The following ABCA6 variants were observed in gnomAD, a reference collection of about 807,000 sequenced individuals.
The protein encoded by ABCA6 is ATP-binding cassette sub-family A member 6.
A neutral mutation model predicts 191.2 loss-of-function variants in ABCA6; 164 were observed. The observed-to-expected ratio is 0.86, with a 90% CI of 0.76 to 0.98. The LOEUF (loss-of-function observed/expected upper bound fraction) is 0.98. Ranked by LOEUF, ABCA6 falls within the 50% of genes least tolerant of loss-of-function variation. ABCA6 has a pLI of 0.00. For synonymous variants in ABCA6, 636 were observed against 647.7 expected (o/e 0.98, Z 0.27); for missense variants, 1,958 against 1,894.1 (o/e 1.03, Z -0.63).
intron 17 of ABCA6, chr17:69,108,216 T>A (rs1183124899): frequency 6.0e-6 from 1 of 166,456 alleles, no homozygotes; most frequent in African/African-American, 2.4e-5. Flanking sequence ...TTAAAGTCAA[T>A]AACACAACCT....
chr17:69,136,287 G>T, intron 3 of ABCA6, 37 bp from the exon 4 acceptor site: 9 of 1,426,612 alleles, frequency 6.3e-6, no homozygotes, highest in Non-Finnish European at 8.3e-6. Flanking sequence ...ATAGAAAATT[G>T]TAAGAGTTTT....
intron 8 of ABCA6, 88 bp from the exon 9 acceptor site, chr17:69,125,123 C>T: frequency 1.5e-6 from 1 of 686,680 alleles, no homozygotes. Context: ...TATTAACTAG[C>T]TTTTTCAAGA....
rs545316771 is a variant in ABCA6 at position 69,134,015 on chromosome 17, T to C, written c.565-148A>G. 1.4e-5 allele frequency: 8 copies of C among 552,712 alleles called. No individual in the cohort carries two copies. In the South Asian group the frequency reaches 2.1e-4, roughly 15 times the overall value. The allele number at this position is 552,712 out of a possible 1,614,324, so 34.2% of individuals were successfully genotyped here. A position where few individuals can be genotyped will look rare whatever the true frequency, so the allele number is the denominator to read the frequency against. On this transcript the variant is annotated intron_variant, in intron 5 of 38. Coordinates refer to ENST00000284425, the MANE Select transcript of ABCA6 (RefSeq NM_080284.3). Reference sequence around the variant, plus strand: ...GCAAGATGTTCCCAGTAAAGGCAACTGGATGAAGGGTACATGGACTTCTCT... The same window carrying C: ...GCAAGATGTTCCCAGTAAAGGCAACCGGATGAAGGGTACATGGACTTCTCT...
At chr17:69,108,281 A>G (rs1166398628) in intron 17 of ABCA6, 1 of 154,552 alleles carries the variant, frequency 6.5e-6, no homozygotes, top group Non-Finnish European at 1.4e-5. Flanking sequence ...ACCCACCTCC[A>G]TTTGCCATTC....
intron 20 of ABCA6, among the ~76,000 whole-genome samples, chr17:69,103,498 G>T (rs2073225552): frequency 6.6e-6 from 1 of 152,086 alleles, no homozygotes; most frequent in Non-Finnish European, 1.5e-5. Context: ...AAATGAAAAA[G>T]GATGCCATCA....
At chr17:69,097,876 T>C (rs1427519846) in intron 23 of ABCA6, 44 bp downstream of exon 23, 1 of 1,386,416 alleles carries the variant, frequency 7.2e-7, no homozygotes, top group African/African-American at 1.5e-5. Flanking sequence ...AAAATACAGA[T>C]ATTGAAATTC....
rs372865781 is a variant in ABCA6 at position 69,086,235 on chromosome 17, T to C, written c.3937+383A>G. Among the ~76,000 whole-genome samples, 176 of 152,284 alleles carry C rather than the reference T, an allele frequency of 1.2e-3. 1 individual carries two copies. Among genetic ancestry groups the C allele is most frequent in the African/African-American group, 4.1e-3 (172 of 41,562 alleles). ...CACAAGTCCGCTAAAAACTCTCCAA[T>C]GGTATTATGCTAACTTGTATAAAAC... On this transcript the variant is annotated intron_variant, in intron 30 of 38. Transcript: ENST00000284425.
intron 6 of ABCA6, among the ~76,000 whole-genome samples, chr17:69,131,196 T>C (rs1184741497): frequency 1.3e-5 from 2 of 152,156 alleles, no homozygotes; most frequent in Admixed American, 1.3e-4. Flanking sequence ...TACTTAACAC[T>C]GACTAATTAA....
Position 69,102,820 on chromosome 17 carries a change from A to G in ABCA6, c.2874+15T>C. 6.4e-7 allele frequency: 1 copy of G among 1,563,748 alleles called. No individual in the cohort carries two copies. Among genetic ancestry groups the G allele is most frequent in the Non-Finnish European group, 8.6e-7 (1 of 1,164,494 alleles). On this transcript the variant is annotated intron_variant, in intron 21 of 38. Coordinates refer to ENST00000284425, the MANE Select transcript of ABCA6 (RefSeq NM_080284.3). ...ACTTTTTGTTTTTTTCATAAAAGCAAAAAGGCAAACATACCTTTTGTTTAC... is the reference window on the plus strand; with the variant it reads ...ACTTTTTGTTTTTTTCATAAAAGCAGAAAGGCAAACATACCTTTTGTTTAC...
chr17:69,107,830 G>C lies in ABCA6; in HGVS notation c.2273-18C>G. The C allele has an allele frequency of 6.9e-7, 1 of 1,450,200 alleles. No homozygotes were observed. Among genetic ancestry groups the C allele is most frequent in the Non-Finnish European group, 9.6e-7 (1 of 1,039,142 alleles). The allele number at this position is 1,450,200 out of a possible 1,614,324, so 89.8% of individuals were successfully genotyped here. On this transcript the variant is annotated intron_variant, in intron 17 of 38. Transcript: ENST00000284425. ...GAAAAGATCTAAGGCAAAAAAATAT[G>C]AATAGATACTTTGGAAAACCACATT...
At chr17:69,133,129 AT>A (rs1223313217) in intron 6 of ABCA6, among the ~76,000 whole-genome samples, 5 of 152,182 alleles carry the variant, frequency 3.3e-5, no homozygotes, top group South Asian at 2.1e-4. Context: ...GGGCTCTCTC[AT>A]TTTATTCCAA....
chr17:69,106,899 G>A (rs1301249426), intron 18 of ABCA6, among the ~76,000 whole-genome samples: 1 of 152,068 alleles, frequency 6.6e-6, no homozygotes, highest in Admixed American at 6.6e-5. Context: ...CACAAAAATG[G>A]TGATCTCATT....
In ABCA6 at chr17:69,105,552, C is replaced by A. The variant is rs745713208; in HGVS notation, c.2650G>T (p.Asp884Tyr). ...TACAATTCGTTTTTAAATTCCCAAT[C>A]GATCTTTTCATTTAACATAGCATAC... ...IMYAMLNEKI[D>Y]WEFKNELYFL... Residue 884 changes from aspartate (D) to tyrosine (Y), a missense_variant, in exon 20 of 39, where the codon GAT becomes TAT. Transcript: ENST00000284425. The A allele has an allele frequency of 6.9e-6, 11 of 1,595,402 alleles. No homozygotes were observed. In the East Asian group the frequency reaches 1.8e-4, roughly 26 times the overall value.
At chr17:69,106,250 A>T (rs968316415) in intron 18 of ABCA6, 39 bp from the exon 19 acceptor site, 4 of 1,551,354 alleles carry the variant, frequency 2.6e-6, no homozygotes, top group Admixed American at 1.9e-5. Context: ...ATATTATAAT[A>T]TTAATGCCAT....
chr17:69,136,209 C>T lies in ABCA6; in HGVS notation c.343G>A (p.Glu115Lys), dbSNP rs748120631. 35 of 1,592,316 alleles carry T rather than the reference C, an allele frequency of 2.2e-5. No homozygotes were observed. The East Asian group carries it at 5.0e-4, about 23-fold the overall frequency. ...IGAPNKTHMD[E>K]ILLENLPYAM... ...TATGGTAAATTTTCCAGAAGTATTT[C>T]GTCCATGTGTGTTTTATTTGGTGCC... The change falls in exon 4 of 39, where the codon GAA (glutamate) becomes AAA (lysine). Residue 115 changes from glutamate to lysine, a missense_variant. Transcript: ENST00000284425.
intron 10 of ABCA6, among the ~76,000 whole-genome samples, chr17:69,122,400 C>T (rs2073665424): frequency 6.6e-6 from 1 of 151,940 alleles, no homozygotes; most frequent in Non-Finnish European, 1.5e-5. Flanking sequence ...GGTTCAATCC[C>T]AAAACTGCTG....
At chr17:69,089,212 C>T (rs1489540553) in intron 27 of ABCA6, among the ~76,000 whole-genome samples, 1 of 152,060 alleles carries the variant, frequency 6.6e-6, no homozygotes, top group Non-Finnish European at 1.5e-5. Context: ...CAAGCTCTCT[C>T]AAATTTAGAG....
chr17:69,084,719 T>C (rs1450123499), intron 32 of ABCA6, among the ~76,000 whole-genome samples: 1 of 152,120 alleles, frequency 6.6e-6, no homozygotes, highest in Non-Finnish European at 1.5e-5. Context: ...ACTAGAATTC[T>C]GAATGAGAAA....
intron 16 of ABCA6, 145 bp from the exon 17 acceptor site, chr17:69,111,085 A>G: frequency 1.5e-6 from 1 of 677,704 alleles, no homozygotes; most frequent in South Asian, 2.7e-5. Flanking sequence ...ACATGATAGT[A>G]ATCTATCAGT....
Sources: gnomAD v4.1 joint callset for allele counts (sites outside exome capture counted in the v4.1 genomes callset) on GRCh38, gnomAD v4.1.1 for gene constraint, MANE v1.5 for transcripts, NCBI Gene and HGNC (gene_info 2026-07-23, HGNC 2026-07-21) for gene names.